C12orf75: variants seen among roughly 807,000 people sequenced by gnomAD.
C12orf75 encodes the protein chromosome 12 open reading frame 75.
Under a neutral mutation model 11.4 loss-of-function variants are expected in C12orf75, and 4 were observed. That is an observed-to-expected ratio of 0.35 (90% CI 0.17 to 0.80). The LOEUF is 0.80. Among genes scored for constraint, C12orf75 ranks in the 30% least tolerant of loss-of-function variants. The pLI is 0.52. For synonymous variants in C12orf75, 30 were observed against 30.0 expected, an observed-to-expected ratio of 1.00 and a Z score of 0.00; for missense variants, 89 against 80.4, an observed-to-expected ratio of 1.11 and a Z score of -0.41.
At chr12:105,335,040 G>A (rs1181102139) in intron 1 of C12orf75, among the ~76,000 whole-genome samples, 2 of 152,234 alleles carry the variant, frequency 1.3e-5, no homozygotes, top group Non-Finnish European at 2.9e-5. Flanking sequence ...GGTTAAATTG[G>A]TTAGTTGAAT....
intron 5 of C12orf75, among the ~76,000 whole-genome samples, chr12:105,368,566 A>T (rs1566143925): frequency 6.6e-6 from 1 of 152,068 alleles, no homozygotes; most frequent in African/African-American, 2.4e-5. Context: ...CATACTATTA[A>T]TTTTTTTTGA....
intron 2 of C12orf75, among the ~76,000 whole-genome samples, chr12:105,360,668 T>C (rs1892849095): frequency 6.6e-6 from 1 of 152,194 alleles, no homozygotes; most frequent in Non-Finnish European, 1.5e-5. Flanking sequence ...TTTTTATTTT[T>C]TGAGACGGGG....
intron 1 of C12orf75, among the ~76,000 whole-genome samples, chr12:105,344,304 A>G (rs1053790722): frequency 1.3e-5 from 2 of 152,156 alleles, no homozygotes; most frequent in Non-Finnish European, 2.9e-5. Flanking sequence ...AAATACTGGC[A>G]TAGGGATCCG....
chr12:105,363,542 T>C (rs1892902914), intron 2 of C12orf75, among the ~76,000 whole-genome samples: 1 of 152,098 alleles, frequency 6.6e-6, no homozygotes, highest in South Asian at 2.1e-4. Flanking sequence ...CTGGCCAACA[T>C]GTTGAAACCT....
intron 1 of C12orf75, among the ~76,000 whole-genome samples, chr12:105,343,289 A>G (rs908561299): frequency 2.6e-5 from 4 of 152,080 alleles, no homozygotes; most frequent in Non-Finnish European, 5.9e-5. Context: ...CTGAGGCCCT[A>G]GGCCCATTGT....
At chr12:105,369,926 T>A (rs1297471593) in intron 5 of C12orf75, among the ~76,000 whole-genome samples, 2 of 152,214 alleles carry the variant, frequency 1.3e-5, no homozygotes, top group African/African-American at 4.8e-5. Context: ...AGATGTTTCA[T>A]GGAAAGAATT....
chr12:105,366,344 T>A (rs929467881), intron 3 of C12orf75: 4 of 325,968 alleles, frequency 1.2e-5, no homozygotes. Context: ...TAATAAATTG[T>A]AACATCCCAA....
chr12:105,341,123 C>T (rs192052450), intron 1 of C12orf75, among the ~76,000 whole-genome samples: 27 of 152,242 alleles, frequency 1.8e-4, no homozygotes, highest in Admixed American at 1.6e-3. Context: ...GAGACAAAAT[C>T]AGAATATAAG....
intron 2 of C12orf75, among the ~76,000 whole-genome samples, chr12:105,359,676 T>C (rs914016702): frequency 4.7e-5 from 7 of 148,502 alleles, no homozygotes; most frequent in Admixed American, 1.4e-4. Flanking sequence ...GAGGCTGAGG[T>C]AGGAGAATCG....
chr12:105,360,799 C>G (rs554904328), intron 2 of C12orf75, among the ~76,000 whole-genome samples: 1 of 151,698 alleles, frequency 6.6e-6, no homozygotes, highest in Non-Finnish European at 1.5e-5. Context: ...TTTGTGAGAC[C>G]GAGTCTGTCT....
intron 1 of C12orf75, 69 bp downstream of exon 1, chr12:105,331,006 G>A: frequency 1.0e-6 from 1 of 976,226 alleles, no homozygotes. Context: ...AGGGTGCAGG[G>A]ATCTTGGGTG....
In C12orf75 at chr12:105,360,657, A is replaced by C. The variant is rs540056698; in HGVS notation, c.72-5150A>C. The stretch of plus-strand genomic sequence containing the variant: ...AAATATTGACAAGTGAATTATTACA[A>C]TTTTTATTTTTTGAGACGGGGCCTT... On this transcript the variant is annotated intron_variant, in intron 2 of 5. Coordinates refer to ENST00000443585, the MANE Select transcript of C12orf75 (RefSeq NM_001145199.2). Among the ~76,000 whole-genome samples the C allele has an allele frequency of 7.9e-5, 12 of 152,292 alleles. No individual in the cohort carries two copies. In the South Asian group the frequency reaches 2.5e-3, roughly 32 times the overall value.
intron 2 of C12orf75, among the ~76,000 whole-genome samples, chr12:105,349,438 G>A (rs1335249331): frequency 2.6e-5 from 4 of 152,190 alleles, no homozygotes; most frequent in Non-Finnish European, 5.9e-5. Context: ...GTTGGAGAGT[G>A]GGCTGGGGTG....
At chr12:105,348,778 A>G (rs1348306503) in intron 2 of C12orf75, among the ~76,000 whole-genome samples, 152 bp downstream of exon 2, 2 of 152,252 alleles carry the variant, frequency 1.3e-5, no homozygotes, top group African/African-American at 4.8e-5. Flanking sequence ...CGTTGTAACT[A>G]AAGTGCTATT....
chr12:105,366,740 T>G, intron 4 of C12orf75, 44 bp downstream of exon 4: 1 of 1,086,090 alleles, frequency 9.2e-7, no homozygotes, highest in East Asian at 2.6e-5. Context: ...ATTATTTATT[T>G]TTATGTTTTA....
intron 3 of C12orf75, chr12:105,366,147 C>A: frequency 2.6e-6 from 1 of 381,964 alleles, no homozygotes; most frequent in Non-Finnish European, 4.7e-6. Context: ...CTTCCCTGTC[C>A]TCCTACTTCT....
intron 2 of C12orf75, among the ~76,000 whole-genome samples, chr12:105,365,442 G>C (rs1047237766): frequency 6.6e-6 from 1 of 152,146 alleles, no homozygotes; most frequent in African/African-American, 2.4e-5. Context: ...CTGGCAGCTC[G>C]CCCACAGCCT....
chr12:105,361,762 C>T (rs1472568496), intron 2 of C12orf75, among the ~76,000 whole-genome samples: 1 of 152,236 alleles, frequency 6.6e-6, no homozygotes, highest in Admixed American at 6.5e-5. Flanking sequence ...CCTTTGAACA[C>T]TGGCAGGACA....
chr12:105,366,815 C>A (rs895185009), intron 4 of C12orf75, 119 bp downstream of exon 4: 5 of 647,486 alleles, frequency 7.7e-6, no homozygotes, highest in Non-Finnish European at 1.4e-5. Flanking sequence ...TGCAGTGAAC[C>A]ATGTATAAGT....
Sources: gnomAD v4.1 joint callset for allele counts (sites outside exome capture counted in the v4.1 genomes callset) on GRCh38, gnomAD v4.1.1 for gene constraint, MANE v1.5 for transcripts, NCBI Gene and HGNC (gene_info 2026-07-23, HGNC 2026-07-21) for gene names.